TSC1: variants seen among roughly 807,000 people sequenced by gnomAD.
TSC1 encodes the protein hamartin.
TSC1 carries 20 observed loss-of-function variants against 124.3 expected under a neutral mutation model. That is an observed-to-expected ratio of 0.16 (90% confidence interval 0.11 to 0.23). The LOEUF is 0.23. TSC1 is among the 10% of genes least tolerant of loss of function. TSC1 has a pLI of 1.00. For synonymous variants in TSC1, 493 were observed against 539.1 expected (o/e 0.91, Z 1.19); for missense variants, 1,124 against 1,448.5 (o/e 0.78, Z 3.64).
chr9:132,930,621 T>G (rs1038181980), intron 2 of TSC1, among the ~76,000 whole-genome samples: 4 of 135,936 alleles, frequency 2.9e-5, no homozygotes, highest in Non-Finnish European at 4.7e-5. Flanking sequence ...AAGAGAGAGA[T>G]AAGCTCCTTC....
rs544519965 is a variant in TSC1 at position 132,910,947 on chromosome 9, G to C, written c.1141+55C>G. On this transcript the variant is annotated intron_variant, in intron 11 of 22. Coordinates refer to ENST00000298552, the MANE Select transcript of TSC1 (RefSeq NM_000368.5). Reference sequence around the variant, plus strand: ...TTAGATCTAAAAGAGAGCTCCTCCTGCCATTAAAGGCAGGCCAAAACCAAC... The same window carrying C: ...TTAGATCTAAAAGAGAGCTCCTCCTCCCATTAAAGGCAGGCCAAAACCAAC... The C allele has an allele frequency of 2.3e-5, 35 of 1,511,210 alleles. No homozygotes were observed. The South Asian group carries it at 3.3e-4, about 14-fold the overall frequency. The allele number at this position is 1,511,210 out of a possible 1,614,324, so 93.6% of individuals were successfully genotyped here.
chr9:132,901,975 T>C, intron 18 of TSC1: 1 of 397,688 alleles, frequency 2.5e-6, no homozygotes, highest in South Asian at 4.1e-5. Flanking sequence ...CTCACAGGGA[T>C]GCTGCAGAAA....
Position 132,903,744 on chromosome 9 carries a change from C to T in TSC1, c.2115G>A (p.Glu705=), listed in dbSNP as rs142662480. Residue 705 remains glutamate (E), a synonymous_variant, in exon 17 of 23, where the codon GAG becomes GAA. Coordinates refer to ENST00000298552, the MANE Select transcript of TSC1 (RefSeq NM_000368.5). The surrounding 1 kb of genome is among the most constrained non-coding windows in gnomAD (Gnocchi z 5.9). ...LLLLHNQLLY[E]RFKRQQHALR... ...GGGCATGCTGCTGCCTCTTAAAACG[C>T]TCATAGAGTAACTGGTTGTGCAGTA... 3.9e-5 allele frequency: 63 copies of T among 1,613,668 alleles called. No homozygotes were observed. The highest frequency in any genetic ancestry group is 5.1e-5 in the Non-Finnish European group (60 of 1,180,022).
Position 132,912,333 on chromosome 9 carries a change from G to A in TSC1, c.862C>T (p.Arg288Cys), listed in dbSNP as rs770653972. Residue 288 changes from arginine to cysteine, a missense_variant, in exon 9 of 23, where the codon CGT becomes TGT. Physicochemically the swap from Arg to Cys is radical, Grantham distance 180. Transcript: ENST00000298552. ...GGGCTGGTGGTGACATCGGCTGAACGATGAGGAAAGCGGGCTGAGATTTGG... is the reference window on the plus strand; with the variant it reads ...GGGCTGGTGGTGACATCGGCTGAACAATGAGGAAAGCGGGCTGAGATTTGG... ...SHQISARFPHRSADVTTSPYA... is the reference protein window; with the variant it reads ...SHQISARFPHCSADVTTSPYA... The A allele has an allele frequency of 7.1e-5, 114 of 1,614,078 alleles. No homozygotes were observed. The highest frequency in any genetic ancestry group is 4.9e-4 in the Middle Eastern group (3 of 6,084).
In TSC1 at chr9:132,897,196, G is replaced by A. The variant is rs1239372124; in HGVS notation, c.2963C>T (p.Ala988Val). Residue 988 changes from alanine (A) to valine (V), a missense_variant, in exon 22 of 23, where the codon GCA becomes GTA. Coordinates refer to ENST00000298552, the MANE Select transcript of TSC1 (RefSeq NM_000368.5). ...TCTTTGTTCCTACCTTTCTTCTGCT[G>A]CTTCAGCTGCTTCTGCTTTTTCTTC... ...LEEEKAEAAE[A>V]AEERLDCCND... 6.2e-7 allele frequency: 1 copy of A among 1,614,118 alleles called. No individual in the cohort carries two copies. Among genetic ancestry groups the A allele is most frequent in the Non-Finnish European group, 8.5e-7 (1 of 1,180,032 alleles).
intron 2 of TSC1, among the ~76,000 whole-genome samples, chr9:132,932,525 G>A (rs1197374982): frequency 6.6e-6 from 1 of 152,126 alleles, no homozygotes; most frequent in African/African-American, 2.4e-5. Context: ...ATAAACATCA[G>A]AATCTCACTC....
rs1844809592 is a variant in TSC1, at chr9:132,892,225, A to G, written c.*4010T>C. On this transcript the variant is annotated 3_prime_UTR_variant, in exon 23 of 23. Transcript: ENST00000298552. The stretch of plus-strand genomic sequence containing the variant: ...GGGACAAGGGTCACAGCAGCAGCCT[A>G]GGGGCCAGTCCTCGACCTAAACTTG... 1 of 233,256 alleles carries G rather than the reference A, an allele frequency of 4.3e-6. No homozygotes were observed. Among genetic ancestry groups the G allele is most frequent in the Non-Finnish European group, 8.5e-6 (1 of 118,108 alleles). The allele number at this position is 233,256 out of a possible 1,614,324, so 14.4% of individuals were successfully genotyped here.
intron 8 of TSC1, chr9:132,912,729 G>GA (rs1846037848): frequency 2.2e-6 from 1 of 453,568 alleles, no homozygotes; most frequent in Non-Finnish European, 4.1e-6. Context: ...CCTCAAAATG[G>GA]AAAAATGAAA....
In TSC1 at chr9:132,896,632, C is replaced by T. The variant is rs2131609886; in HGVS notation, c.3098G>A (p.Arg1033Lys). Residue 1033 changes from arginine to lysine, a missense_variant, in exon 23 of 23, where the codon AGA becomes AAA. Around this residue, in one of 5 missense-constraint regions of TSC1, gnomAD observed 325 missense variants for 383.4 expected, o/e 0.85. Transcript: ENST00000298552. This position sits in a 1 kb window ranked among gnomAD's most constrained non-coding sequence, Gnocchi z 4.5. ...GCTGCTGCTGCTGCCTCCACCACCTCTGCTTCCACTACTGCCCCGGGCGCT... is the reference window on the plus strand; with the variant it reads ...GCTGCTGCTGCTGCCTCCACCACCTTTGCTTCCACTACTGCCCCGGGCGCT... ...PSSARGSSGSRGGGGSSSSSS... is the reference protein window; with the variant it reads ...PSSARGSSGSKGGGGSSSSSS... 6.2e-7 allele frequency: 1 copy of T among 1,613,912 alleles called. No homozygotes were observed. The highest frequency in any genetic ancestry group is 8.5e-7 in the Non-Finnish European group (1 of 1,179,862).
chr9:132,941,049 T>G (rs996365487), intron 1 of TSC1: 5 of 152,220 alleles, frequency 3.3e-5, no homozygotes, highest in Admixed American at 3.3e-4. Context: ...CTTCTGGGCC[T>G]CTACTGCCAT....
intron 5 of TSC1, among the ~76,000 whole-genome samples, chr9:132,924,466 A>C (rs1192082516): frequency 2.0e-5 from 3 of 152,252 alleles, no homozygotes; most frequent in African/African-American, 7.2e-5. Context: ...CTCAGCAGAA[A>C]GAACTAGCCC....
Position 132,892,652 on chromosome 9 carries a change from A to C in TSC1, c.*3583T>G, listed in dbSNP as rs1170894463. 2 of 233,280 alleles carry C rather than the reference A, an allele frequency of 8.6e-6. No individual in the cohort carries two copies. Among genetic ancestry groups the C allele is most frequent in the Non-Finnish European group, 1.7e-5 (2 of 118,108 alleles). The allele number at this position is 233,280 out of a possible 1,614,324, so 14.5% of individuals were successfully genotyped here. A position where few individuals can be genotyped will look rare whatever the true frequency, so the allele number is the denominator to read the frequency against. On this transcript the variant is annotated 3_prime_UTR_variant, in exon 23 of 23. Transcript: ENST00000298552. Reference sequence around the variant, plus strand: ...CCACCTCTTAGTGCTTTCAGCGAGAAAAGGTGAGTCTCATTACGCAGAACT... The same window carrying C: ...CCACCTCTTAGTGCTTTCAGCGAGACAAGGTGAGTCTCATTACGCAGAACT...
In TSC1 at chr9:132,911,077, T is replaced by A. The variant is rs2131962146; in HGVS notation, c.1066A>T (p.Thr356Ser). 6.2e-7 allele frequency: 1 copy of A among 1,614,152 alleles called. No homozygotes were observed. The highest frequency in any genetic ancestry group is 8.5e-7 in the Non-Finnish European group (1 of 1,180,024). The change falls in exon 11 of 23, where the codon ACC becomes TCC. Residue 356 changes from threonine (T) to serine (S), a missense_variant. Thr to Ser is a moderately conservative substitution (Grantham distance 58). Coordinates refer to ENST00000298552, the MANE Select transcript of TSC1 (RefSeq NM_000368.5). Reference protein sequence around the residue: ...LWSPSMVCGMTTPPTSPGNVP... With the variant: ...LWSPSMVCGMSTPPTSPGNVP... ...TTTCCAGGAGAAGTTGGAGGAGTGG[T>A]CATACCACAAACCATAGATGGGCTC... is the stretch of plus-strand genomic sequence containing the variant.
In TSC1 at chr9:132,907,037, T is replaced by C. The variant is rs536638527; in HGVS notation, c.1334-202A>G. On this transcript the variant is annotated intron_variant, in intron 13 of 22. Coordinates refer to ENST00000298552, the MANE Select transcript of TSC1 (RefSeq NM_000368.5). ...ACTAAAAGTACCAAAAATAATCCCA[T>C]AGCAAATAAAATTCTCAGTTCTTAA... Among the ~76,000 whole-genome samples, 6 of 152,276 alleles carry C rather than the reference T, an allele frequency of 3.9e-5. No homozygotes were observed. The East Asian group carries it at 9.6e-4, about 24-fold the overall frequency.
chr9:132,941,195 T>C (rs1424176783), intron 1 of TSC1: 1 of 152,252 alleles, frequency 6.6e-6, no homozygotes, highest in East Asian at 1.9e-4. Context: ...AAAAGTATTG[T>C]TATCTTTTGC....
intron 18 of TSC1, chr9:132,901,980 CAG>C: frequency 2.6e-6 from 1 of 385,302 alleles, no homozygotes; most frequent in Admixed American, 4.3e-5. Context: ...AGGGATGCTG[CAG>C]AAAGATTCTG....
At chr9:132,933,623 G>A (rs995766698) in intron 2 of TSC1, among the ~76,000 whole-genome samples, 8 of 152,218 alleles carry the variant, frequency 5.3e-5, no homozygotes, top group Middle Eastern at 3.4e-3. Context: ...TACCAATGAC[G>A]CTGTGTGCCA....
In TSC1 at chr9:132,923,608, T is replaced by G; in HGVS notation, c.364-116A>C. The stretch of plus-strand genomic sequence containing the variant: ...AGAGAATCACAAATCACAAGTTGAC[T>G]CACGTACTCATTTCCCTATCCCTAA... On this transcript the variant is annotated intron_variant, in intron 5 of 22. Transcript: ENST00000298552. This position sits in a 1 kb window ranked among gnomAD's most constrained non-coding sequence, Gnocchi z 4.2. 2 of 1,415,740 alleles carry G rather than the reference T, an allele frequency of 1.4e-6. No individual in the cohort carries two copies. Among genetic ancestry groups the G allele is most frequent in the Non-Finnish European group, 2.0e-6 (2 of 1,011,826 alleles). 87.7% of individuals were successfully genotyped at this position (1,415,740 alleles called of 1,614,324 possible).
intron 12 of TSC1, 184 bp downstream of exon 12, chr9:132,910,387 A>C: frequency 1.8e-6 from 2 of 1,103,148 alleles, no homozygotes; most frequent in South Asian, 1.4e-5. Flanking sequence ...GAGTTTTGGA[A>C]CCACCCAGGG....
Sources: allele counts gnomAD v4.1 joint callset (sites outside exome capture counted in the v4.1 genomes callset), GRCh38; gene constraint gnomAD v4.1.1; regional missense constraint gnomAD v4.1.1; non-coding constraint Gnocchi (gnomAD v3.1); transcripts MANE v1.5; gene names NCBI Gene and HGNC (gene_info 2026-07-23, HGNC 2026-07-21).